Variants in B3GLCT observed in about 807,000 individuals in gnomAD.
B3GLCT encodes the protein beta-1,3-glucosyltransferase.
A neutral mutation model predicts 63.4 loss-of-function variants in B3GLCT; 65 were observed. The ratio of observed to expected loss-of-function variants is 1.03; its 90% CI spans 0.84 to 1.26. B3GLCT has a LOEUF of 1.26. Among genes scored for constraint, B3GLCT ranks in the 50% most tolerant of loss-of-function variants. The probability of loss-of-function intolerance (pLI) is 0.00; values close to 1 mark genes in which losing one functional copy is unlikely to be tolerated. For synonymous variants in B3GLCT, 233 were observed against 219.2 expected, an observed-to-expected ratio of 1.06 and a Z score of -0.55; for missense variants, 577 against 604.8, an observed-to-expected ratio of 0.95 and a Z score of 0.48.
chr13:31,283,242 G>A (rs948396738), intron 10 of B3GLCT: 1 of 152,190 alleles, frequency 6.6e-6, no homozygotes, highest in African/African-American at 2.4e-5. Flanking sequence ...ATTATGCAAT[G>A]GAGGATATTT....
intron 8 of B3GLCT, among the ~76,000 whole-genome samples, chr13:31,273,457 G>A (rs775647413): frequency 4.6e-5 from 7 of 152,104 alleles, no homozygotes; most frequent in South Asian, 2.1e-4. Flanking sequence ...TTTTTCTCAC[G>A]TTTTAAAGTT....
chr13:31,326,503 G>A (rs200287691), intron 14 of B3GLCT, among the ~76,000 whole-genome samples: 3 of 151,844 alleles, frequency 2.0e-5, no homozygotes, highest in East Asian at 1.9e-4. Context: ...GGGTGGTCTC[G>A]ATCTCCTGAC....
rs1047354805 is a variant in B3GLCT at position 31,284,721 on chromosome 13, C to G, written c.924C>G (p.Ser308=). The G allele has an allele frequency of 3.1e-6, 5 of 1,609,102 alleles. No homozygotes were observed. The highest frequency in any genetic ancestry group is 2.2e-5 in the East Asian group (1 of 44,824). The change falls in exon 11 of 15, where the codon TCC becomes TCG. Residue 308 remains serine, a synonymous_variant. Coordinates refer to ENST00000343307, the MANE Select transcript of B3GLCT (RefSeq NM_194318.4). The part of the protein sequence containing the change: ...IEYYSDYTEN[S]IPTVDLGIPN... ...ACTATAGTGACTATACTGAAAATTCCATTCCTACTGTGGATTTGGGAATTC... is the reference window on the plus strand; with the variant it reads ...ACTATAGTGACTATACTGAAAATTCGATTCCTACTGTGGATTTGGGAATTC...
chr13:31,250,300 A>G (rs1049662592), intron 6 of B3GLCT, among the ~76,000 whole-genome samples: 1 of 152,052 alleles, frequency 6.6e-6, no homozygotes, highest in Non-Finnish European at 1.5e-5. Context: ...CAGCCTCCCA[A>G]GTAGCTGGGA....
chr13:31,258,005 G>A (rs1871825200), intron 6 of B3GLCT, among the ~76,000 whole-genome samples: 1 of 152,100 alleles, frequency 6.6e-6, no homozygotes, highest in Non-Finnish European at 1.5e-5. Context: ...GTGTCGGATG[G>A]TAACAAGTGC....
intron 12 of B3GLCT, among the ~76,000 whole-genome samples, chr13:31,296,771 A>G (rs1036591276): frequency 6.6e-6 from 1 of 151,902 alleles, no homozygotes; most frequent in African/African-American, 2.4e-5. Context: ...TAATTGTGGT[A>G]AAGTACACAC....
intron 2 of B3GLCT, among the ~76,000 whole-genome samples, chr13:31,217,015 A>C (rs1869598584): frequency 6.6e-6 from 1 of 152,138 alleles, no homozygotes; most frequent in African/African-American, 2.4e-5. Flanking sequence ...ATGTTGTTTG[A>C]AAAATCTCTT....
intron 12 of B3GLCT, among the ~76,000 whole-genome samples, chr13:31,310,660 T>C: frequency 6.6e-6 from 1 of 152,272 alleles, no homozygotes; most frequent in African/African-American, 2.4e-5. Flanking sequence ...AGCTGGGACA[T>C]GCCCCCATTC....
At chr13:31,223,982 GC>G (rs1373552038) in intron 3 of B3GLCT, among the ~76,000 whole-genome samples, 1 of 152,196 alleles carries the variant, frequency 6.6e-6, no homozygotes, top group Non-Finnish European at 1.5e-5. Context: ...TGGAAGGCGA[GC>G]TCTAGATAAG....
chr13:31,210,041 A>G (rs958783374), intron 1 of B3GLCT, among the ~76,000 whole-genome samples: 3 of 152,200 alleles, frequency 2.0e-5, no homozygotes, highest in African/African-American at 7.2e-5. Context: ...ATTACTCGCC[A>G]GTTTTCTTGC....
chr13:31,310,957 C>T (rs553435362), intron 12 of B3GLCT, among the ~76,000 whole-genome samples: 1 of 152,208 alleles, frequency 6.6e-6, no homozygotes, highest in Non-Finnish European at 1.5e-5. Flanking sequence ...CTAAGCATTG[C>T]CTGCCAGGCT....
chr13:31,204,210 G>T (rs1414082898), intron 1 of B3GLCT, among the ~76,000 whole-genome samples: 2 of 152,180 alleles, frequency 1.3e-5, no homozygotes, highest in African/African-American at 4.8e-5. Context: ...TCAACAGGGA[G>T]CCATCTTGCA....
At chr13:31,313,448 A>C (rs1874827450) in intron 12 of B3GLCT, among the ~76,000 whole-genome samples, 2 of 152,214 alleles carry the variant, frequency 1.3e-5, no homozygotes. Flanking sequence ...ACTGGAGTAA[A>C]GGTGATTCTT....
At chr13:31,204,538 G>A (rs980593209) in intron 1 of B3GLCT, among the ~76,000 whole-genome samples, 6 of 152,114 alleles carry the variant, frequency 3.9e-5, no homozygotes, top group African/African-American at 9.7e-5. Context: ...GAGAAAGGAC[G>A]GAGGACTGAA....
rs544784019 is a variant in B3GLCT at position 31,260,244 on chromosome 13, A to G, written c.460-702A>G. On this transcript the variant is annotated intron_variant, in intron 6 of 14. Coordinates refer to ENST00000343307, the MANE Select transcript of B3GLCT (RefSeq NM_194318.4). Reference sequence around the variant, plus strand: ...AGAGCTGGCTCTTTGATATTATTTCATCTCAGTTTGCTACTGAGGATGAAC... The same window carrying G: ...AGAGCTGGCTCTTTGATATTATTTCGTCTCAGTTTGCTACTGAGGATGAAC... Among the ~76,000 whole-genome samples, 8 of 152,268 alleles carry G rather than the reference A, an allele frequency of 5.3e-5. No individual in the cohort carries two copies. In the South Asian group the frequency reaches 1.4e-3, roughly 28 times the overall value.
chr13:31,215,436 C>T (rs938772153), intron 2 of B3GLCT, among the ~76,000 whole-genome samples: 11 of 152,030 alleles, frequency 7.2e-5, no homozygotes, highest in Admixed American at 2.0e-4. Context: ...TTTTTTGCGA[C>T]GGAGTTTCAC....
At position 31,200,027 on chromosome 13, in the gene B3GLCT, CTCCCCGCGCGTCTCCCT is replaced by C. The variant is rs1490646639; in HGVS notation, c.-48_-32del. On this transcript the variant is annotated 5_prime_UTR_variant, in exon 1 of 15. Transcript: ENST00000343307. ...CGGCGGCGGCAGCGGCGCAGCTCCG[CTCCCCGCGCGTCTCCCT>C]TCCCCGCGCCCAGGTAGGGCGCTCA... 2 of 1,149,926 alleles carry C rather than the reference CTCCCCGCGCGTCTCCCT, an allele frequency of 1.7e-6. No homozygotes were observed. The highest frequency in any genetic ancestry group is 2.4e-5 in the South Asian group (1 of 42,464). 71.2% of individuals were successfully genotyped at this position (1,149,926 alleles called of 1,614,324 possible).
At chr13:31,241,820 G>A (rs75726233) in intron 4 of B3GLCT, among the ~76,000 whole-genome samples, 6,468 of 152,278 alleles carry the variant, frequency 0.042, 155 homozygotes, top group Non-Finnish European at 0.051. Context: ...ATGAAGAAAA[G>A]AGGATGAGCT....
chr13:31,308,934 T>C (rs1159629258), intron 12 of B3GLCT, among the ~76,000 whole-genome samples: 3 of 152,228 alleles, frequency 2.0e-5, no homozygotes, highest in African/African-American at 7.2e-5. Context: ...CCCAGCACTT[T>C]CTTTTAATTT....
Sources: allele counts gnomAD v4.1 joint callset (sites outside exome capture counted in the v4.1 genomes callset), GRCh38; gene constraint gnomAD v4.1.1; transcripts MANE v1.5; gene names NCBI Gene and HGNC (gene_info 2026-07-23, HGNC 2026-07-21).